PRMT8: variants seen among roughly 807,000 people sequenced by gnomAD.
The protein encoded by PRMT8 is protein arginine N-methyltransferase 8.
PRMT8 carries 7 observed loss-of-function variants against 47.1 expected under a neutral mutation model. The ratio of observed to expected loss-of-function variants is 0.15; its 90% CI spans 0.08 to 0.28. The LOEUF (loss-of-function observed/expected upper bound fraction) is 0.28. Ranked by LOEUF, PRMT8 falls within the 10% of genes least tolerant of loss-of-function variation. The pLI is 1.00. For missense variants in PRMT8, 237 were observed against 505.4 expected (o/e 0.47, Z 5.09); for synonymous variants, 188 against 186.5 (o/e 1.01, Z -0.07).
intron 1 of PRMT8, among the ~76,000 whole-genome samples, chr12:3,396,147 G>C (rs1864246763): frequency 6.6e-6 from 1 of 152,144 alleles, no homozygotes; most frequent in Non-Finnish European, 1.5e-5. Context: ...GCACACTGAT[G>C]GGTCTTGACT....
chr12:3,570,236 A>G lies in PRMT8; in HGVS notation c.712+672A>G, dbSNP rs1289591953. On this transcript the variant is annotated intron_variant, in intron 6 of 9. Transcript: ENST00000382622. The surrounding 1 kb of genome is among the most constrained non-coding windows in gnomAD (Gnocchi z 5.5). Reference sequence around the variant, plus strand: ...GCCAAAAAACTTCTCCTCCCCCGCAATGTTTTACCTGGTCTGAAAAGGGCT... The same window carrying G: ...GCCAAAAAACTTCTCCTCCCCCGCAGTGTTTTACCTGGTCTGAAAAGGGCT... 2.0e-5 allele frequency among the ~76,000 whole-genome samples: 3 copies of G among 152,104 alleles called. No individual in the cohort carries two copies. Among genetic ancestry groups the G allele is most frequent in the Admixed American group, 6.6e-5 (1 of 15,260 alleles).
chr12:3,536,859 T>C (rs1160629807), intron 1 of PRMT8, among the ~76,000 whole-genome samples: 1 of 152,240 alleles, frequency 6.6e-6, no homozygotes, highest in African/African-American at 2.4e-5. Flanking sequence ...ATACCTTTAA[T>C]GGCCGCATAG....
At chr12:3,490,754 G>C (rs1865380014), upstream of PRMT8, among the ~76,000 whole-genome samples, 1 of 148,146 alleles carries the variant, frequency 6.8e-6, no homozygotes. Context: ...CTTACCCCTA[G>C]AGTTGAAGGA....
intron 1 of PRMT8, among the ~76,000 whole-genome samples, chr12:3,389,779 A>G (rs946891827): frequency 1.3e-5 from 2 of 152,128 alleles, no homozygotes; most frequent in African/African-American, 2.4e-5. Context: ...TACTCAGAAC[A>G]CTCCTGGAAT....
At chr12:3,411,767 C>A (rs564079549) in intron 1 of PRMT8, among the ~76,000 whole-genome samples, 5 of 152,308 alleles carry the variant, frequency 3.3e-5, no homozygotes, top group Non-Finnish European at 4.4e-5. Context: ...TGAGCTGGCA[C>A]GCTCTTGCCC....
chr12:3,496,214 A>ATATATATATATATATATTT, intron 1 of PRMT8, among the ~76,000 whole-genome samples: 1 of 27,774 alleles, frequency 3.6e-5, no homozygotes, highest in Admixed American at 7.4e-4. Flanking sequence ...ATATATATAT[A>ATATATATATATATATATTT]TTTTTTTTTT....
rs373812899 is a variant in PRMT8 at position 3,549,925 on chromosome 12, C to T, written c.262-11C>T. Reference sequence around the variant, plus strand: ...TTCACTGACATTTCCTTTCTTTTCCCTCCATCACAGGAAATGCTGAAGGAT... The same window carrying T: ...TTCACTGACATTTCCTTTCTTTTCCTTCCATCACAGGAAATGCTGAAGGAT... On this transcript the variant is annotated splice_polypyrimidine_tract_variant and intron_variant, in intron 2 of 9. Transcript: ENST00000382622. 5.0e-6 allele frequency: 8 copies of T among 1,612,444 alleles called. No homozygotes were observed. The highest frequency in any genetic ancestry group is 5.1e-6 in the Non-Finnish European group (6 of 1,178,726).
intron 2 of PRMT8, among the ~76,000 whole-genome samples, chr12:3,541,257 G>A (rs1029393699): frequency 3.9e-5 from 6 of 152,198 alleles, no homozygotes; most frequent in African/African-American, 1.4e-4. Flanking sequence ...TTTCTTGGGA[G>A]CTTGGCCCAG....
At position 3,543,062 on chromosome 12, in the gene PRMT8, T is replaced by C. The variant is rs550226923; in HGVS notation, c.261+2271T>C. 4.9e-4 allele frequency among the ~76,000 whole-genome samples: 74 copies of C among 152,354 alleles called. 1 individual carries two copies. Among genetic ancestry groups the C allele is most frequent in the African/African-American group, 1.7e-3 (72 of 41,582 alleles). On this transcript the variant is annotated intron_variant, in intron 2 of 9. Coordinates refer to ENST00000382622, the MANE Select transcript of PRMT8 (RefSeq NM_019854.5). ...ACGTATATATAAACATAGTGCGGGCTGAGCAGGGGACTTAGAGTATAAGAC... is the reference window on the plus strand; with the variant it reads ...ACGTATATATAAACATAGTGCGGGCCGAGCAGGGGACTTAGAGTATAAGAC...
rs112671982 is a variant in PRMT8 at position 3,470,000 on chromosome 12, C to T, written c.49-70606C>T. ...TCCCTGCACTCTGGGGGGAATGACA[C>T]CTCAACACAATAACGGTGTTCGTCA... On this transcript the variant is annotated intron_variant, in intron 1 of 9. Transcript: ENST00000452611. Among the ~76,000 whole-genome samples the T allele has an allele frequency of 9.8e-3, 1,492 of 152,258 alleles. 29 individuals are homozygous for T. Among genetic ancestry groups the T allele is most frequent in the African/African-American group, 0.034 (1,405 of 41,522 alleles).
At chr12:3,397,534 G>T (rs899143056) in intron 1 of PRMT8, among the ~76,000 whole-genome samples, 18 of 151,426 alleles carry the variant, frequency 1.2e-4, no homozygotes, top group Non-Finnish European at 2.2e-4. Context: ...GGGGTCAGGG[G>T]TCAGGGACCC....
At chr12:3,560,832 G>T (rs2137193390) in intron 4 of PRMT8, among the ~76,000 whole-genome samples, 1 of 152,286 alleles carries the variant, frequency 6.6e-6, no homozygotes, top group South Asian at 2.1e-4. Context: ...TCCCCCTTCT[G>T]AGCCTCTATT....
At chr12:3,512,595 T>C (rs923410971) in intron 1 of PRMT8, among the ~76,000 whole-genome samples, 14 of 152,142 alleles carry the variant, frequency 9.2e-5, no homozygotes, top group African/African-American at 3.1e-4. Flanking sequence ...TCTCAGATGA[T>C]TTATGACAAA....
intron 1 of PRMT8, among the ~76,000 whole-genome samples, chr12:3,496,212 A>ATTTT (rs1444249290): frequency 0.072 from 1,358 of 18,906 alleles, 44 homozygotes; most frequent in Non-Finnish European, 0.089. Flanking sequence ...ATATATATAT[A>ATTTT]TATTTTTTTT....
chr12:3,561,560 G>A (rs778986097), intron 4 of PRMT8, among the ~76,000 whole-genome samples: 2 of 152,108 alleles, frequency 1.3e-5, no homozygotes, highest in Non-Finnish European at 2.9e-5. Flanking sequence ...GGTGTCCTAC[G>A]GTGAGGGTGG....
At position 3,491,717 on chromosome 12, in the gene PRMT8, G is replaced by C. The variant is rs368025409; in HGVS notation, c.75+17G>C. On this transcript the variant is annotated intron_variant, in intron 1 of 9. Transcript: ENST00000382622. ...AGCACCGAGGTAAGGAGGCGAGCGA[G>C]CAGGGGCTCTCGGAGACCCCGCCGC... 53 of 1,601,586 alleles carry C rather than the reference G, an allele frequency of 3.3e-5. No homozygotes were observed. The highest frequency in any genetic ancestry group is 4.4e-5 in the Non-Finnish European group (52 of 1,177,276).
At chr12:3,473,315 C>T (rs964642022) in intron 1 of PRMT8, among the ~76,000 whole-genome samples, 10 of 151,958 alleles carry the variant, frequency 6.6e-5, no homozygotes, top group Admixed American at 4.6e-4. Context: ...TCAGGCCTCA[C>T]GGACCTCCAG....
At chr12:3,417,636 C>G (rs940856684) in intron 1 of PRMT8, among the ~76,000 whole-genome samples, 4 of 152,096 alleles carry the variant, frequency 2.6e-5, no homozygotes, top group African/African-American at 9.7e-5. Flanking sequence ...AATTTGACCC[C>G]AGCTTAAAAT....
intron 1 of PRMT8, among the ~76,000 whole-genome samples, chr12:3,533,145 C>T (rs770075983): frequency 3.3e-5 from 5 of 152,200 alleles, no homozygotes; most frequent in African/African-American, 7.2e-5. Flanking sequence ...GGGGGACAGC[C>T]GACCCTCTGT....
Sources: allele counts gnomAD v4.1 joint callset (sites outside exome capture counted in the v4.1 genomes callset), GRCh38; gene constraint gnomAD v4.1.1; non-coding constraint Gnocchi (gnomAD v3.1); transcripts MANE v1.5; gene names NCBI Gene and HGNC (gene_info 2026-07-23, HGNC 2026-07-21).